ZC3H12B: variants seen among roughly 807,000 people sequenced by gnomAD.
The protein encoded by ZC3H12B is zinc finger CCCH-type containing 12B.
A neutral mutation model predicts 43.9 loss-of-function variants in ZC3H12B; 7 were observed. The observed-to-expected ratio is 0.16, with a 90% CI of 0.09 to 0.30. The LOEUF is 0.30. ZC3H12B is among the 10% of genes least tolerant of loss of function. ZC3H12B has a pLI of 1.00. For synonymous variants in ZC3H12B, 222 were observed against 241.7 expected, an observed-to-expected ratio of 0.92 and a Z score of 0.76; for missense variants, 475 against 670.2, an observed-to-expected ratio of 0.71 and a Z score of 3.22.
At chrX:65,043,247 A>T in the ZC3H12B span, among the ~76,000 whole-genome samples, 1 of 111,022 alleles carries the variant, frequency 9.0e-6, no homozygotes, top group Non-Finnish European at 1.9e-5. Flanking sequence ...ACCACGAAGT[A>T]TAAACTGTGG....
the ZC3H12B span, among the ~76,000 whole-genome samples, chrX:65,083,412 G>T: frequency 8.9e-6 from 1 of 111,934 alleles, no homozygotes; most frequent in Non-Finnish European, 1.9e-5. Flanking sequence ...CAGTAAAGTT[G>T]CAGGATAGAA....
chrX:65,120,024 G>A, the ZC3H12B span, among the ~76,000 whole-genome samples: 1 of 111,974 alleles, frequency 8.9e-6, no homozygotes, highest in Non-Finnish European at 1.9e-5. Flanking sequence ...TTTGGTACCA[G>A]TACCATGCTG....
intron 3 of ZC3H12B, among the ~76,000 whole-genome samples, chrX:65,438,061 A>G (rs1396171756): frequency 9.0e-6 from 1 of 111,036 alleles, no homozygotes; most frequent in Non-Finnish European, 1.9e-5. Context: ...TGGTTTCTCT[A>G]TTCTGTGTCA....
At chrX:65,152,637 A>G in the ZC3H12B span, among the ~76,000 whole-genome samples, 1 of 111,531 alleles carries the variant, frequency 9.0e-6, no homozygotes, top group Non-Finnish European at 1.9e-5. Flanking sequence ...AAGAATCAAT[A>G]TCGTGAAAAT....
chrX:65,175,124 T>A, the ZC3H12B span, among the ~76,000 whole-genome samples: 1 of 111,461 alleles, frequency 9.0e-6, no homozygotes, highest in East Asian at 2.8e-4. Flanking sequence ...TTCCCTTGGA[T>A]GGGGGACAGA....
chrX:65,064,885 A>G, the ZC3H12B span, among the ~76,000 whole-genome samples: 1 of 110,921 alleles, frequency 9.0e-6, no homozygotes, highest in Non-Finnish European at 1.9e-5. Context: ...TGATCCCTTT[A>G]CCATTACGTG....
chrX:65,343,511 A>G, the ZC3H12B span, among the ~76,000 whole-genome samples: 2 of 111,989 alleles, frequency 1.8e-5, no homozygotes, highest in South Asian at 7.3e-4. Flanking sequence ...TGGAATAAAC[A>G]GTTGGTTCAC....
the ZC3H12B span, among the ~76,000 whole-genome samples, chrX:65,156,788 T>A: frequency 9.0e-6 from 1 of 111,273 alleles, no homozygotes; most frequent in Non-Finnish European, 1.9e-5. Context: ...AATGTTGAGC[T>A]CTTAGGCATG....
the ZC3H12B span, among the ~76,000 whole-genome samples, chrX:65,152,860 G>T: frequency 8.9e-6 from 1 of 111,812 alleles, no homozygotes; most frequent in African/African-American, 3.3e-5. Flanking sequence ...AACCAAAACA[G>T]CATGGTACTG....
At chrX:65,103,604 A>G in the ZC3H12B span, among the ~76,000 whole-genome samples, 1 of 111,949 alleles carries the variant, frequency 8.9e-6, no homozygotes, top group Middle Eastern at 4.7e-3. Flanking sequence ...AAATCTGCAC[A>G]ATTTATGTTC....
the ZC3H12B span, among the ~76,000 whole-genome samples, chrX:65,205,426 A>G: frequency 8.9e-6 from 1 of 111,973 alleles, no homozygotes. Flanking sequence ...AAAAACAAAA[A>G]TCTCATGATC....
intron 2 of ZC3H12B, among the ~76,000 whole-genome samples, chrX:65,395,919 GGTATAT>G (rs1442149408): frequency 1.8e-5 from 2 of 110,912 alleles, no homozygotes; most frequent in African/African-American, 6.6e-5. Context: ...GTATTGGGAG[GGTATAT>G]GTGTCCAGGA....
the ZC3H12B span, among the ~76,000 whole-genome samples, chrX:65,310,784 G>T: frequency 2.7e-5 from 3 of 111,644 alleles, no homozygotes; most frequent in Non-Finnish European, 5.6e-5. Context: ...GCATGGTACT[G>T]GTACCAAAAC....
chrX:65,305,509 G>A, the ZC3H12B span, among the ~76,000 whole-genome samples: 1 of 111,538 alleles, frequency 9.0e-6, no homozygotes, highest in Admixed American at 9.5e-5. Context: ...CACTATCAAG[G>A]TTTCCCTCTT....
At chrX:65,200,239 G>A in the ZC3H12B span, among the ~76,000 whole-genome samples, 44 of 110,654 alleles carry the variant, frequency 4.0e-4, 1 homozygote, top group African/African-American at 1.3e-3. Context: ...TTTATTGGCC[G>A]CATGTATGTC....
chrX:65,350,454 A>G, the ZC3H12B span, among the ~76,000 whole-genome samples: 2 of 111,775 alleles, frequency 1.8e-5, no homozygotes, highest in East Asian at 5.6e-4. Flanking sequence ...CCTATTCAAC[A>G]CAGTATTTGC....
intron 3 of ZC3H12B, among the ~76,000 whole-genome samples, chrX:65,451,161 G>T (rs889240239): frequency 4.1e-4 from 45 of 110,225 alleles, no homozygotes; most frequent in Admixed American, 4.9e-4. Context: ...TGTTAGCCAA[G>T]CTGGTCTTGA....
the ZC3H12B span, among the ~76,000 whole-genome samples, chrX:65,244,749 AAAG>A: frequency 4.6e-5 from 5 of 108,225 alleles, no homozygotes; most frequent in East Asian, 5.7e-4. Flanking sequence ...AAAAAAAAAA[AAAG>A]AAAACGCAAA....
the ZC3H12B span, among the ~76,000 whole-genome samples, chrX:65,246,976 A>G: frequency 8.9e-6 from 1 of 112,731 alleles, no homozygotes; most frequent in Non-Finnish European, 1.9e-5. Context: ...GACAACCTAC[A>G]GAATGGGAGA....
Sources: allele counts gnomAD v4.1 joint callset (sites outside exome capture counted in the v4.1 genomes callset), GRCh38; gene constraint gnomAD v4.1.1; transcripts MANE v1.5; gene names NCBI Gene and HGNC (gene_info 2026-07-23, HGNC 2026-07-21).